Variants in PIR observed in about 807,000 individuals in gnomAD.
The protein encoded by PIR is pirin (iron-binding nuclear protein).
A neutral mutation model predicts 24.2 loss-of-function variants in PIR; 22 were observed. The observed-to-expected ratio is 0.91, with a 90% CI of 0.65 to 1.30. PIR has a LOEUF of 1.30. Among genes scored for constraint, PIR ranks in the 50% most tolerant of loss-of-function variants. PIR has a pLI of 0.00. For missense variants in PIR, 220 were observed against 220.3 expected (o/e 1.00, Z 0.01); for synonymous variants, 80 against 79.6 (o/e 1.00, Z -0.03).
At chrX:15,488,496 G>A (rs1922990335) in intron 2 of PIR, among the ~76,000 whole-genome samples, 1 of 110,214 alleles carries the variant, frequency 9.1e-6, no homozygotes, top group Non-Finnish European at 1.9e-5. Flanking sequence ...CTTATACATG[G>A]GATATGGCAT....
chrX:15,467,922 T>A (rs1169070323), intron 3 of PIR, among the ~76,000 whole-genome samples: 1 of 111,770 alleles, frequency 8.9e-6, no homozygotes, highest in Non-Finnish European at 1.9e-5. Flanking sequence ...AGATCAGGAA[T>A]AAATGTTTTG....
chrX:15,449,945 G>A (rs1926227642), intron 5 of PIR, among the ~76,000 whole-genome samples: 1 of 111,670 alleles, frequency 9.0e-6, no homozygotes, highest in Admixed American at 9.5e-5. Flanking sequence ...TTCTCTGTGT[G>A]GTTATGTTGC....
rs189360505 is a variant in PIR, at chrX:15,454,329, G to A, written c.480+1519C>T. 8.9e-4 allele frequency among the ~76,000 whole-genome samples: 99 copies of A among 111,317 alleles called. No individual in the cohort carries two copies. In the Middle Eastern group the frequency reaches 0.014, roughly 16 times the overall value. On this transcript the variant is annotated intron_variant, in intron 5 of 9. Coordinates refer to ENST00000380420, the MANE Select transcript of PIR (RefSeq NM_001018109.3). ...ACAAAGGGTCTTTTCCAATGGCAAA[G>A]TAAGCAATAGGTCTGCCAGGGGTGT...
chrX:15,400,566 T>G (rs890779177), intron 7 of PIR, among the ~76,000 whole-genome samples: 18 of 110,778 alleles, frequency 1.6e-4, no homozygotes, highest in Non-Finnish European at 7.6e-5. Context: ...TTGACTATGG[T>G]GTTCATTGGT....
chrX:15,476,304 G>A (rs186086355), intron 3 of PIR, among the ~76,000 whole-genome samples: 2 of 112,239 alleles, frequency 1.8e-5, no homozygotes, highest in Admixed American at 1.9e-4. Flanking sequence ...TTATACTCAT[G>A]TGTTAGTAAA....
rs767722897 is a variant in PIR, at chrX:15,396,973, A to C, written c.693+476T>G. Among the ~76,000 whole-genome samples the C allele has an allele frequency of 1.4e-3, 155 of 111,663 alleles. No homozygotes were observed. In the East Asian group the frequency reaches 0.021, roughly 15 times the overall value. ...GCCAGGATGGTCTCGATTTCCTGAC[A>C]TCGTGATCCGCCCGCCTCGGCCTCC... On this transcript the variant is annotated intron_variant, in intron 8 of 9. Coordinates refer to ENST00000380420, the MANE Select transcript of PIR (RefSeq NM_001018109.3).
At chrX:15,462,971 T>C (rs1470969250) in intron 3 of PIR, among the ~76,000 whole-genome samples, 3 of 111,932 alleles carry the variant, frequency 2.7e-5, no homozygotes, top group Non-Finnish European at 5.6e-5. Flanking sequence ...GGAAGACATA[T>C]AGTAAGTAGG....
intron 2 of PIR, among the ~76,000 whole-genome samples, chrX:15,482,739 T>G (rs1048339176): frequency 8.9e-6 from 1 of 111,816 alleles, no homozygotes; most frequent in African/African-American, 3.2e-5. Flanking sequence ...CTGGTCCTGA[T>G]AGCAAGGTAA....
intron 4 of PIR, among the ~76,000 whole-genome samples, chrX:15,459,026 A>C (rs1014948515): frequency 1.8e-5 from 2 of 112,616 alleles, no homozygotes; most frequent in Admixed American, 1.9e-4. Context: ...TATACATATA[A>C]AATCCCAGAC....
chrX:15,463,326 GTTA>G (rs1167198480), intron 3 of PIR, among the ~76,000 whole-genome samples: 1 of 112,104 alleles, frequency 8.9e-6, no homozygotes, highest in African/African-American at 3.2e-5. Flanking sequence ...GGGAGAACAA[GTTA>G]TTATTTATTA....
At chrX:15,420,512 C>G (rs190758504) in intron 6 of PIR, among the ~76,000 whole-genome samples, 286 of 111,843 alleles carry the variant, frequency 2.6e-3, no homozygotes, top group African/African-American at 7.9e-3. Flanking sequence ...GTGACCATCC[C>G]TGGAAACCTG....
chrX:15,388,146 C>T (rs775139792), intron 9 of PIR, among the ~76,000 whole-genome samples: 4 of 112,415 alleles, frequency 3.6e-5, no homozygotes, highest in African/African-American at 1.3e-4. Context: ...ACCTATAATT[C>T]TCTTTCAAAT....
intron 5 of PIR, 33 bp from the exon 6 acceptor site, chrX:15,426,023 T>C: frequency 1.1e-6 from 1 of 948,880 alleles, no homozygotes; most frequent in Non-Finnish European, 1.5e-6. Flanking sequence ...CAGTGTTTTT[T>C]TCTAAGAATA....
At chrX:15,431,764 T>C (rs1023392239) in intron 5 of PIR, among the ~76,000 whole-genome samples, 1 of 103,662 alleles carries the variant, frequency 9.6e-6, no homozygotes, top group African/African-American at 3.6e-5. Context: ...CTCCACAGTA[T>C]AAATACCATT....
intron 6 of PIR, among the ~76,000 whole-genome samples, chrX:15,411,493 C>T (rs1253066966): frequency 9.0e-6 from 1 of 110,926 alleles, no homozygotes; most frequent in Non-Finnish European, 1.9e-5. Context: ...ACAAGTATTC[C>T]TTACACCTGT....
At chrX:15,434,408 G>A (rs756105044) in intron 5 of PIR, among the ~76,000 whole-genome samples, 1 of 108,022 alleles carries the variant, frequency 9.3e-6, no homozygotes, top group Non-Finnish European at 1.9e-5. Flanking sequence ...GAGTAGGAAC[G>A]AAAAAGGAGG....
intron 6 of PIR, among the ~76,000 whole-genome samples, chrX:15,408,095 C>T (rs978870966): frequency 1.6e-4 from 18 of 111,522 alleles, no homozygotes; most frequent in Admixed American, 9.5e-5. Flanking sequence ...TACAGGCACA[C>T]GCCACCACAT....
At chrX:15,434,106 AAAG>A (rs1371760671) in intron 5 of PIR, among the ~76,000 whole-genome samples, 2 of 80,495 alleles carry the variant, frequency 2.5e-5, no homozygotes, top group African/African-American at 4.8e-5. Context: ...GAGGGAGGAG[AAAG>A]AAGGAGGAGG....
chrX:15,424,234 T>C (rs190511532), intron 6 of PIR, among the ~76,000 whole-genome samples: 1 of 112,172 alleles, frequency 8.9e-6, no homozygotes, highest in African/African-American at 3.2e-5. Flanking sequence ...TATTCAGCCA[T>C]AAAAAGAATG....
Sources: gnomAD v4.1 joint callset for allele counts (sites outside exome capture counted in the v4.1 genomes callset) on GRCh38, gnomAD v4.1.1 for gene constraint, MANE v1.5 for transcripts, NCBI Gene and HGNC (gene_info 2026-07-23, HGNC 2026-07-21) for gene names.